Variants in LCTL observed in about 807,000 individuals in gnomAD.
The protein encoded by LCTL is lactase like.
A neutral mutation model predicts 75.8 loss-of-function variants in LCTL; 76 were observed. The ratio of observed to expected loss-of-function variants is 1.00; its 90% CI spans 0.83 to 1.21. The LOEUF (loss-of-function observed/expected upper bound fraction) is 1.21. LCTL is among the 50% of genes most tolerant of loss of function. The probability of loss-of-function intolerance (pLI) is 0.00; values close to 1 mark genes in which losing one functional copy is unlikely to be tolerated. For synonymous variants in LCTL, 271 were observed against 268.8 expected (o/e 1.01, Z -0.08); for missense variants, 670 against 712.4 (o/e 0.94, Z 0.68).
rs771144268 is a variant in LCTL, at chr15:66,563,515, C to T, written c.480+1G>A. The T allele has an allele frequency of 7.5e-6, 12 of 1,609,320 alleles. No homozygotes were observed. In the South Asian group the frequency reaches 7.7e-5, roughly 10 times the overall value. On this transcript the variant is annotated splice_donor_variant, in intron 4 of 12. Coordinates refer to ENST00000341509, the Ensembl canonical transcript of LCTL. LOFTEE classifies it high-confidence loss of function. The stretch of plus-strand genomic sequence containing the variant: ...GCCTGTGAGCCTGCTCAGGTCCTCA[C>T]CTGTGGCAGATCCCAGTGGTGCAAG...
At chr15:66,555,342 T>C (rs1895716177) in intron 8 of LCTL, among the ~76,000 whole-genome samples, 1 of 151,504 alleles carries the variant, frequency 6.6e-6, no homozygotes, top group African/African-American at 2.4e-5. Context: ...CATCTCACTC[T>C]CCCAAAGTTT....
chr15:66,558,868 G>C (rs978181868), intron 6 of LCTL, among the ~76,000 whole-genome samples: 2 of 148,780 alleles, frequency 1.3e-5, no homozygotes, highest in Non-Finnish European at 3.0e-5. Context: ...GCTAATTTTT[G>C]TACTTTTAGT....
exon 9 of LCTL, chr15:66,553,142 G>C (rs536892584): frequency 6.2e-7 from 1 of 1,611,852 alleles, no homozygotes; most frequent in Admixed American, 1.7e-5. Flanking sequence ...GTGATGTACC[G>C]AGTAGTAAAA....
In LCTL at chr15:66,557,823, T is replaced by A. The variant is rs1895775561; in HGVS notation, c.821A>T (p.Lys274Met). 4 of 1,614,162 alleles carry A rather than the reference T, an allele frequency of 2.5e-6. No individual in the cohort carries two copies. The East Asian group carries it at 8.9e-5, about 36-fold the overall frequency. ...GTATCTCTCGGCAGCCTCTAGGTCC[T>A]TGGGGTTACTAATGTCCACAGGTTC... Residue 274 changes from lysine (K) to methionine (M), a missense_variant, in exon 8 of 13, where the codon AAG becomes ATG. Transcript: ENST00000341509.
At chr15:66,550,211 T>C (rs1397546292) in intron 11 of LCTL, 107 bp from the exon 13 acceptor site, 1 of 655,188 alleles carries the variant, frequency 1.5e-6, no homozygotes, top group East Asian at 2.8e-5. Flanking sequence ...TTTTAAAATC[T>C]ATCTGTAGTT....
chr15:66,561,362 G>C, intron 4 of LCTL, 47 bp from the exon 6 acceptor site: 1 of 1,610,970 alleles, frequency 6.2e-7, no homozygotes, highest in Non-Finnish European at 8.5e-7. Flanking sequence ...CCGCAAAGCG[G>C]TTTAAATGTG....
At chr15:66,551,799 A>G (rs1157844891) in exon 11 of LCTL, 2 of 1,614,006 alleles carry the variant, frequency 1.2e-6, no homozygotes, top group South Asian at 1.1e-5. Context: ...CCTTTCTCCC[A>G]TTCAAACTTA....
At position 66,550,040 on chromosome 15, in the gene LCTL, C is replaced by G. The variant is rs200340415; in HGVS notation, c.1588+1G>C. 6.3e-7 allele frequency: 1 copy of G among 1,595,960 alleles called. No individual in the cohort carries two copies. Among genetic ancestry groups the G allele is most frequent in the Admixed American group, 1.7e-5 (1 of 57,380 alleles). On this transcript the variant is annotated splice_donor_variant, in intron 12 of 12. Coordinates refer to ENST00000341509, the Ensembl canonical transcript of LCTL. LOFTEE classifies it high-confidence loss of function. Reference sequence around the variant, plus strand: ...GAAAACATTGAAATATACTGACTCACCTGCAGCAAGCATCTGATTGTTGAT... The same window carrying G: ...GAAAACATTGAAATATACTGACTCAGCTGCAGCAAGCATCTGATTGTTGAT...
At chr15:66,561,353 C>T (rs778533084) in intron 4 of LCTL, 38 bp from the exon 6 acceptor site, 24 of 1,613,146 alleles carry the variant, frequency 1.5e-5, no homozygotes, top group Middle Eastern at 1.7e-4. Context: ...ATGAATGAAC[C>T]GCAAAGCGGT....
At chr15:66,551,033 G>T (rs952801626) in intron 11 of LCTL, among the ~76,000 whole-genome samples, 14 of 151,948 alleles carry the variant, frequency 9.2e-5, no homozygotes, top group African/African-American at 3.4e-4. Context: ...TTGAAGAATA[G>T]GTAGTATTTG....
At chr15:66,561,495 G>C (rs1189784180) in intron 4 of LCTL, among the ~76,000 whole-genome samples, 180 bp from the exon 6 acceptor site, 2 of 152,196 alleles carry the variant, frequency 1.3e-5, no homozygotes, top group Non-Finnish European at 2.9e-5. Flanking sequence ...AGGGGAAAGG[G>C]GCCTAATAAT....
chr15:66,551,379 A>C (rs1319895387), intron 11 of LCTL, among the ~76,000 whole-genome samples: 2 of 147,996 alleles, frequency 1.4e-5, no homozygotes, highest in Non-Finnish European at 3.0e-5. Flanking sequence ...AAGACACGAG[A>C]TTTAGAATAA....
intron 2 of LCTL, 60 bp downstream of exon 3, chr15:66,564,616 C>A: frequency 6.4e-7 from 1 of 1,553,506 alleles, no homozygotes; most frequent in South Asian, 1.2e-5. Context: ...CCCAGCTAGG[C>A]ATGTACTCAC....
chr15:66,562,339 G>T (rs1002110700), intron 4 of LCTL, among the ~76,000 whole-genome samples: 1 of 151,328 alleles, frequency 6.6e-6, no homozygotes, highest in Non-Finnish European at 1.5e-5. Context: ...GGAGGCGGAG[G>T]CTGTAGTGAG....
At chr15:66,558,619 C>A (rs7165318) in intron 6 of LCTL, among the ~76,000 whole-genome samples, 1 of 151,544 alleles carries the variant, frequency 6.6e-6, no homozygotes, top group African/African-American at 2.4e-5. Context: ...GGGCCCTTGC[C>A]AGACCTACTG....
chr15:66,559,020 G>C (rs998218004), intron 6 of LCTL, among the ~76,000 whole-genome samples: 2 of 151,576 alleles, frequency 1.3e-5, no homozygotes, highest in African/African-American at 4.8e-5. Context: ...TAATAAGCTT[G>C]TTTTTTGTTT....
chr15:66,563,884 G>C (rs547527651), intron 3 of LCTL, 27 bp downstream of exon 4: 3 of 1,581,532 alleles, frequency 1.9e-6, no homozygotes, highest in African/African-American at 1.3e-5. Flanking sequence ...GCCTCACTTG[G>C]GTTCAAGAGG....
intron 12 of LCTL, chr15:66,549,687 G>C (rs1292270610): frequency 2.4e-5 from 4 of 165,092 alleles, no homozygotes; most frequent in Non-Finnish European, 5.2e-5. Context: ...ACAAATATAA[G>C]ATCTCAAGTA....
intron 8 of LCTL, 38 bp downstream of exon 9, chr15:66,557,684 G>T: frequency 6.3e-7 from 1 of 1,597,326 alleles, no homozygotes; most frequent in East Asian, 2.2e-5. Flanking sequence ...TCAATAACTT[G>T]CCCTAGTATC....
Sources: gnomAD v4.1 joint callset for allele counts (sites outside exome capture counted in the v4.1 genomes callset) on GRCh38, gnomAD v4.1.1 for gene constraint, MANE v1.5 for transcripts, NCBI Gene and HGNC (gene_info 2026-07-23, HGNC 2026-07-21) for gene names.